Variants in DEPDC1 observed in about 807,000 individuals in gnomAD.
DEPDC1 encodes the protein DEP domain containing 1.
A neutral mutation model predicts 86.8 loss-of-function variants in DEPDC1; 66 were observed. That is an observed-to-expected ratio of 0.76 (90% CI 0.62 to 0.93). The LOEUF (loss-of-function observed/expected upper bound fraction) is 0.93. Ranked by LOEUF, DEPDC1 falls within the 40% of genes least tolerant of loss-of-function variation. The pLI, the probability that DEPDC1 is intolerant of heterozygous loss-of-function variation, is 0.00. For synonymous variants in DEPDC1, 255 were observed against 314.9 expected (o/e 0.81, Z 2.02); for missense variants, 792 against 935.7 (o/e 0.85, Z 2.00).
rs746712086 is a variant in DEPDC1 at position 68,482,103 on chromosome 1, T to C, written c.1705A>G (p.Ile569Val). 25 of 1,608,206 alleles carry C rather than the reference T, an allele frequency of 1.6e-5. No homozygotes were observed. In the Admixed American group the frequency reaches 2.0e-4, roughly 13 times the overall value. Reference sequence around the variant, plus strand: ...AGTAAAGAATTTTCTGAAAGTTCTATTGTACTTTTGCAGAGTCTTTTATTG... The same window carrying C: ...AGTAAAGAATTTTCTGAAAGTTCTACTGTACTTTTGCAGAGTCTTTTATTG... ...TINKRLCKST[I>V]ELSENSLLPA... is the part of the protein sequence containing the mutation. The change falls in exon 8 of 12, where the codon ATA becomes GTA. Residue 569 changes from isoleucine (I) to valine (V), a missense_variant. Transcript: ENST00000456315.
intron 10 of DEPDC1, among the ~76,000 whole-genome samples, chr1:68,478,824 G>A (rs201367799): frequency 6.6e-6 from 1 of 151,974 alleles, no homozygotes; most frequent in Non-Finnish European, 1.5e-5. Context: ...TACATCCAGA[G>A]CTTTTAAATT....
chr1:68,477,966 T>G lies in DEPDC1; in HGVS notation c.2119A>C (p.Asn707His). The G allele has an allele frequency of 6.5e-7, 1 of 1,541,314 alleles. No individual in the cohort carries two copies. The highest frequency in any genetic ancestry group is 8.7e-7 in the Non-Finnish European group (1 of 1,145,192). ...LDYLKKGHIE[N>H]PGDGLFAPLP... ...GGAGCAAATAGTCCATCTCCAGGAT[T>G]TTCAATCTGTAGTGATCAAAATGAT... The change falls in exon 11 of 12, where the codon AAT becomes CAT. Residue 707 changes from asparagine to histidine, a missense_variant. Transcript: ENST00000456315.
intron 4 of DEPDC1, 91 bp from the exon 5 acceptor site, chr1:68,488,595 AT>A: frequency 7.8e-6 from 9 of 1,152,700 alleles, no homozygotes; most frequent in African/African-American, 1.6e-5. Flanking sequence ...AGAATATTTT[AT>A]TTTTTTAACC....
chr1:68,483,608 T>C (rs1646173019), intron 7 of DEPDC1: 1 of 279,230 alleles, frequency 3.6e-6, no homozygotes, highest in Non-Finnish European at 6.9e-6. Flanking sequence ...AGAGAAACTC[T>C]GTGCCACCCC....
At chr1:68,487,136 GTAT>G (rs1048921352) in intron 5 of DEPDC1, 152 bp from the exon 6 acceptor site, 1 of 585,162 alleles carries the variant, frequency 1.7e-6, no homozygotes, top group African/African-American at 2.0e-5. Flanking sequence ...GGATTAAAAA[GTAT>G]TATATGTTTA....
At chr1:68,489,087 T>A (rs1213413475) in intron 3 of DEPDC1, 53 bp from the exon 4 acceptor site, 2 of 1,108,948 alleles carry the variant, frequency 1.8e-6, no homozygotes, top group African/African-American at 3.1e-5. Context: ...TTTTTAAATA[T>A]TGAAAGCAAC....
At chr1:68,478,931 C>T (rs1646135153) in intron 10 of DEPDC1, among the ~76,000 whole-genome samples, 1 of 149,978 alleles carries the variant, frequency 6.7e-6, no homozygotes, top group African/African-American at 2.4e-5. Context: ...GTGAAGGAGC[C>T]ATTGTCAAAC....
At chr1:68,485,774 G>T (rs1308177755) in intron 6 of DEPDC1, among the ~76,000 whole-genome samples, 2 of 151,900 alleles carry the variant, frequency 1.3e-5, no homozygotes, top group Non-Finnish European at 2.9e-5. Context: ...AAATGTTTCT[G>T]TAAATATATT....
intron 9 of DEPDC1, among the ~76,000 whole-genome samples, chr1:68,480,803 G>T (rs1646150172): frequency 6.6e-6 from 1 of 151,642 alleles, no homozygotes; most frequent in Non-Finnish European, 1.5e-5. Context: ...CATAACTCCG[G>T]ATTCCTTGCT....
In DEPDC1 at chr1:68,496,375, T is replaced by G. The variant is rs1312748097; in HGVS notation, c.48+577A>C. On this transcript the variant is annotated intron_variant, in intron 1 of 11. Coordinates refer to ENST00000456315, the MANE Select transcript of DEPDC1 (RefSeq NM_001114120.3). The surrounding 1 kb of genome is among the most constrained non-coding windows in gnomAD (Gnocchi z 4.0). The stretch of plus-strand genomic sequence containing the variant: ...CGAAGACCCAACTGCACAAAACGCG[T>G]TAGGAGTGCTGTACGTGCAATTCAG... Among the ~76,000 whole-genome samples the G allele has an allele frequency of 1.3e-5, 2 of 152,120 alleles. No individual in the cohort carries two copies. Among genetic ancestry groups the G allele is most frequent in the Non-Finnish European group, 2.9e-5 (2 of 68,032 alleles).
chr1:68,483,881 A>T (rs1357447711), intron 7 of DEPDC1, 69 bp downstream of exon 7: 2 of 1,024,960 alleles, frequency 2.0e-6, no homozygotes, highest in Non-Finnish European at 2.7e-6. Flanking sequence ...ATGGTTTTAG[A>T]TCTTCTAAAT....
At chr1:68,483,772 CCG>C (rs1646173960) in intron 7 of DEPDC1, among the ~76,000 whole-genome samples, 176 bp downstream of exon 7, 1 of 151,852 alleles carries the variant, frequency 6.6e-6, no homozygotes, top group African/African-American at 2.4e-5. Context: ...GAGGGAAGTC[CCG>C]AATTGGTAGT....
rs577706948 is a variant in DEPDC1 at position 68,488,733 on chromosome 1, G to A, written c.590+183C>T. Among the ~76,000 whole-genome samples the A allele has an allele frequency of 4.0e-5, 6 of 151,594 alleles. No homozygotes were observed. The South Asian group carries it at 1.0e-3, about 26-fold the overall frequency. On this transcript the variant is annotated intron_variant, in intron 4 of 11. Transcript: ENST00000456315. ...ATTCAAAGAAAAGGTGAATCATACC[G>A]AAACATTCAATTTCTACTCTACTAG...
intron 10 of DEPDC1, among the ~76,000 whole-genome samples, chr1:68,478,781 G>A (rs761010281): frequency 4.0e-5 from 6 of 151,890 alleles, no homozygotes; most frequent in Non-Finnish European, 5.9e-5. Flanking sequence ...CAACCTAAAC[G>A]ATGCATATTT....
rs777995791 is a variant in DEPDC1 at position 68,481,542 on chromosome 1, T to C, written c.1833A>G (p.Pro611=). The part of the protein sequence containing the change: ...ALQLCCLLLP[P]PNRRKLQLLM... The stretch of plus-strand genomic sequence containing the variant: ...AAAGTTGAAGCTTTCTACGATTTGG[T>C]GGGGGAAGTAACAAACAACATAACT... The change falls in exon 9 of 12, where the codon CCA becomes CCG. Residue 611 remains proline, a synonymous_variant. Transcript: ENST00000456315. 7 of 1,612,102 alleles carry C rather than the reference T, an allele frequency of 4.3e-6. No individual in the cohort carries two copies. The South Asian group carries it at 7.7e-5, about 18-fold the overall frequency.
chr1:68,480,023 T>C (rs183510684), intron 9 of DEPDC1, among the ~76,000 whole-genome samples: 9 of 151,990 alleles, frequency 5.9e-5, no homozygotes, highest in Non-Finnish European at 1.0e-4. Flanking sequence ...ATGTGTAACA[T>C]ATAGAACACT....
chr1:68,486,693 T>A (rs554196480), intron 6 of DEPDC1, among the ~76,000 whole-genome samples: 44 of 152,090 alleles, frequency 2.9e-4, no homozygotes, highest in African/African-American at 1.0e-3. Context: ...TTATAATATA[T>A]GTGAACTAAA....
chr1:68,479,423 T>G, intron 9 of DEPDC1, 103 bp from the exon 10 acceptor site: 1 of 828,722 alleles, frequency 1.2e-6, no homozygotes, highest in Non-Finnish European at 1.8e-6. Flanking sequence ...TGGGAAAAAG[T>G]GGTAAGCAGC....
rs1646160718 is a variant in DEPDC1, at chr1:68,482,151, G to C, written c.1657C>G (p.Leu553Val). 1 of 1,612,896 alleles carries C rather than the reference G, an allele frequency of 6.2e-7. No individual in the cohort carries two copies. The highest frequency in any genetic ancestry group is 1.3e-5 in the African/African-American group (1 of 74,954). ...TTGATTGTGGCACTAGACTCTCCGA[G>C]TTCACTTTCCATAGCTGTTTGCACA... ...TSVQTAMESE[L>V]GESSATINKR... Residue 553 changes from leucine (L) to valine (V), a missense_variant, in exon 8 of 12, where the codon CTC (leucine) becomes GTC (valine). Leu to Val is a conservative substitution (Grantham distance 32, BLOSUM62 1). Transcript: ENST00000456315.
Sources: allele counts gnomAD v4.1 joint callset (sites outside exome capture counted in the v4.1 genomes callset), GRCh38; gene constraint gnomAD v4.1.1; non-coding constraint Gnocchi (gnomAD v3.1); transcripts MANE v1.5; gene names NCBI Gene and HGNC (gene_info 2026-07-23, HGNC 2026-07-21).